Variants in GRHL2 observed in about 807,000 individuals in gnomAD.
The protein encoded by GRHL2 is grainyhead like transcription factor 2.
Under a neutral mutation model 83.8 loss-of-function variants are expected in GRHL2, and 21 were observed. The ratio of observed to expected loss-of-function variants is 0.25; its 90% confidence interval spans 0.18 to 0.36. GRHL2 has a LOEUF of 0.36. Among genes scored for constraint, GRHL2 ranks in the 10% least tolerant of loss-of-function variants. The pLI is 1.00. For synonymous variants in GRHL2, 280 were observed against 278.9 expected, an observed-to-expected ratio of 1.00 and a Z score of -0.04; for missense variants, 623 against 781.8, an observed-to-expected ratio of 0.80 and a Z score of 2.42.
At chr8:101,639,959 A>T (rs114856488) in intron 12 of GRHL2, among the ~76,000 whole-genome samples, 2,188 of 152,356 alleles carry the variant, frequency 0.014, 51 homozygotes, top group African/African-American at 0.05. Context: ...CAGACTGAGG[A>T]TATAACACAC....
intron 1 of GRHL2, among the ~76,000 whole-genome samples, chr8:101,504,461 T>G (rs1416642645): frequency 6.6e-6 from 1 of 152,148 alleles, no homozygotes; most frequent in Admixed American, 6.5e-5. Context: ...CCTATGGAGT[T>G]TCACTTGAAG....
chr8:101,642,398 T>G (rs1473701123), intron 12 of GRHL2, among the ~76,000 whole-genome samples: 1 of 152,170 alleles, frequency 6.6e-6, no homozygotes, highest in Non-Finnish European at 1.5e-5. Flanking sequence ...AAAAAGAAAG[T>G]CACTAGCTTA....
chr8:101,679,952 T>C, the GRHL2 span, among the ~76,000 whole-genome samples: 1 of 119,538 alleles, frequency 8.4e-6, no homozygotes, highest in African/African-American at 3.4e-5. Flanking sequence ...GAACAACCGG[T>C]ACCAGCCGCT....
chr8:101,524,761 T>C (rs1016192679), intron 1 of GRHL2, among the ~76,000 whole-genome samples: 9 of 152,148 alleles, frequency 5.9e-5, no homozygotes, highest in Non-Finnish European at 1.0e-4. Context: ...TCAGTTTTCT[T>C]ATGTATCATG....
At chr8:101,495,356 G>A (rs1185662858) in intron 1 of GRHL2, among the ~76,000 whole-genome samples, 1 of 152,220 alleles carries the variant, frequency 6.6e-6, no homozygotes, top group Non-Finnish European at 1.5e-5. Flanking sequence ...AAGTAGCATC[G>A]TCTTTTTTAT....
intron 7 of GRHL2, among the ~76,000 whole-genome samples, chr8:101,582,003 C>T (rs145131134): frequency 1.6e-4 from 24 of 152,254 alleles, no homozygotes; most frequent in East Asian, 9.6e-4. Context: ...TTTGGGAGGC[C>T]GTGGCAGGCA....
chr8:101,569,527 T>G (rs1257258912), intron 4 of GRHL2, among the ~76,000 whole-genome samples: 1 of 152,222 alleles, frequency 6.6e-6, no homozygotes, highest in Non-Finnish European at 1.5e-5. Flanking sequence ...TGATCTGAAG[T>G]GACGTGATCG....
At chr8:101,586,612 A>G (rs1290731285) in intron 7 of GRHL2, among the ~76,000 whole-genome samples, 1 of 152,172 alleles carries the variant, frequency 6.6e-6, no homozygotes, top group Non-Finnish European at 1.5e-5. Flanking sequence ...TATTCATCCT[A>G]CTAGACGCTG....
chr8:101,518,175 C>A (rs985851391), intron 1 of GRHL2, among the ~76,000 whole-genome samples: 6 of 152,222 alleles, frequency 3.9e-5, no homozygotes, highest in Non-Finnish European at 7.3e-5. Flanking sequence ...ATATCCTCCA[C>A]CTCCTTGTGA....
intron 3 of GRHL2, among the ~76,000 whole-genome samples, chr8:101,557,599 T>C (rs757239708): frequency 2.4e-4 from 36 of 152,196 alleles, no homozygotes; most frequent in Non-Finnish European, 5.0e-4. Flanking sequence ...GATAATTGCC[T>C]TTTTGGTTTG....
chr8:101,546,004 C>T (rs1811257872), intron 2 of GRHL2, among the ~76,000 whole-genome samples: 2 of 150,370 alleles, frequency 1.3e-5, no homozygotes, highest in Non-Finnish European at 1.5e-5. Context: ...GCCTCAGCCT[C>T]CCAAGTAGCT....
intron 8 of GRHL2, among the ~76,000 whole-genome samples, chr8:101,606,537 T>G (rs917803337): frequency 6.6e-6 from 1 of 152,222 alleles, no homozygotes; most frequent in Non-Finnish European, 1.5e-5. Flanking sequence ...TAAAATGTTC[T>G]CATCTATATT....
chr8:101,616,117 CTCTTTCTTTCTTTT>C lies in GRHL2; in HGVS notation c.1099-3408_1099-3395del, dbSNP rs1288355625. ...TTCTTTCTTCTTTCTTTCTTTCTTC[CTCTTTCTTTCTTTT>C]TCTTTCTTTCTTTCTCTCTCTCTTC... On this transcript the variant is annotated intron_variant, in intron 8 of 15. Coordinates refer to ENST00000646743, the MANE Select transcript of GRHL2 (RefSeq NM_024915.4). Among the ~76,000 whole-genome samples, 129 of 143,716 alleles carry C rather than the reference CTCTTTCTTTCTTTT, an allele frequency of 9.0e-4. 2 individuals are homozygous for C. In the Admixed American group the frequency reaches 9.1e-3, roughly 10 times the overall value. The allele number at this position is 143,716 out of a possible 152,430, so 94.3% of individuals were successfully genotyped here. A position where few individuals can be genotyped will look rare whatever the true frequency, so the allele number is the denominator to read the frequency against.
rs143505352 is a variant in GRHL2, at chr8:101,507,769, C to G, written c.20+14980C>G. Among the ~76,000 whole-genome samples the G allele has an allele frequency of 6.7e-3, 821 of 122,992 alleles. 7 individuals are homozygous for G. The highest frequency in any genetic ancestry group is 0.023 in the African/African-American group (758 of 33,642). The allele number at this position is 122,992 out of a possible 152,430, so 80.7% of individuals were successfully genotyped here. A position where few individuals can be genotyped will look rare whatever the true frequency, so the allele number is the denominator to read the frequency against. ...TAAGGTCAATACTTGAATGATTATC[C>G]CTTTTTTTTTTTTTTTTTTTTTTTT... On this transcript the variant is annotated intron_variant, in intron 1 of 15. Transcript: ENST00000646743.
the GRHL2 span, among the ~76,000 whole-genome samples, chr8:101,677,328 T>C: frequency 6.6e-6 from 1 of 152,010 alleles, no homozygotes; most frequent in South Asian, 2.1e-4. Flanking sequence ...TGTTCTGCCA[T>C]GGGTTGTAGG....
At chr8:101,601,646 G>A (rs909085064) in intron 8 of GRHL2, among the ~76,000 whole-genome samples, 4 of 152,120 alleles carry the variant, frequency 2.6e-5, no homozygotes, top group Non-Finnish European at 4.4e-5. Flanking sequence ...ATTTTATATT[G>A]CATTGTTTTA....
intron 4 of GRHL2, among the ~76,000 whole-genome samples, chr8:101,565,327 TAAATC>T (rs1158103200): frequency 6.6e-6 from 1 of 152,178 alleles, no homozygotes; most frequent in African/African-American, 2.4e-5. Flanking sequence ...ATAATCATAA[TAAATC>T]AAAATGGAAG....
rs187127011 is a variant in GRHL2, at chr8:101,601,291, A to G, written c.1098+2140A>G. ...AATCATTACCATAATTTTAATTATCATGCAATCTGTGATAATGAGTGCTAG... is the reference window on the plus strand; with the variant it reads ...AATCATTACCATAATTTTAATTATCGTGCAATCTGTGATAATGAGTGCTAG... On this transcript the variant is annotated intron_variant, in intron 8 of 15. Coordinates refer to ENST00000646743, the MANE Select transcript of GRHL2 (RefSeq NM_024915.4). Among the ~76,000 whole-genome samples, 38 of 152,324 alleles carry G rather than the reference A, an allele frequency of 2.5e-4. No homozygotes were observed. The Middle Eastern group carries it at 0.014, about 55-fold the overall frequency.
chr8:101,541,560 T>A (rs190169462), intron 1 of GRHL2, among the ~76,000 whole-genome samples: 4 of 152,182 alleles, frequency 2.6e-5, no homozygotes, highest in Non-Finnish European at 5.9e-5. Context: ...TTCTATTGAT[T>A]GATGTTGGTG....
Sources: allele counts gnomAD v4.1 joint callset (sites outside exome capture counted in the v4.1 genomes callset), GRCh38; gene constraint gnomAD v4.1.1; transcripts MANE v1.5; gene names NCBI Gene and HGNC (gene_info 2026-07-23, HGNC 2026-07-21).